Variants in PARD3B observed in about 807,000 individuals in gnomAD.
The protein encoded by PARD3B is partitioning defective 3 homolog B.
Under a neutral mutation model 130.2 loss-of-function variants are expected in PARD3B, and 103 were observed. The ratio of observed to expected loss-of-function variants is 0.79; its 90% CI spans 0.67 to 0.93. PARD3B has a LOEUF of 0.93. Ranked by LOEUF, PARD3B falls within the 40% of genes least tolerant of loss-of-function variation. The pLI is 0.00. For missense variants in PARD3B, 1,609 were observed against 1,499.2 expected, an observed-to-expected ratio of 1.07 and a Z score of -1.21; for synonymous variants, 583 against 553.2, an observed-to-expected ratio of 1.05 and a Z score of -0.76.
chr2:204,977,445 T>G (rs2125195622), intron 3 of PARD3B, among the ~76,000 whole-genome samples: 1 of 152,236 alleles, frequency 6.6e-6, no homozygotes, highest in South Asian at 2.1e-4. Flanking sequence ...AAGGTGTGTT[T>G]AGAGAGAATT....
intron 3 of PARD3B, among the ~76,000 whole-genome samples, chr2:204,970,073 A>G (rs2125172561): frequency 1.3e-5 from 2 of 152,306 alleles, no homozygotes; most frequent in Middle Eastern, 3.4e-3. Flanking sequence ...TGTAAAAAAG[A>G]CAAATTAGTG....
intron 2 of PARD3B, among the ~76,000 whole-genome samples, chr2:204,777,061 A>G (rs999663109): frequency 6.6e-6 from 1 of 152,196 alleles, no homozygotes; most frequent in Admixed American, 6.5e-5. Flanking sequence ...AAATAAACCT[A>G]ATGGTATGTT....
At chr2:205,434,736 T>G (rs1559090147) in intron 19 of PARD3B, among the ~76,000 whole-genome samples, 1 of 152,138 alleles carries the variant, frequency 6.6e-6, no homozygotes, top group Admixed American at 6.5e-5. Context: ...AACAATAATT[T>G]GAAGAAAATT....
At chr2:204,662,968 G>C (rs2035879009) in intron 1 of PARD3B, among the ~76,000 whole-genome samples, 1 of 152,112 alleles carries the variant, frequency 6.6e-6, no homozygotes, top group Non-Finnish European at 1.5e-5. Flanking sequence ...TGCATTATCA[G>C]ATTTACTCTC....
At chr2:205,505,052 A>G (rs1181413505) in intron 21 of PARD3B, among the ~76,000 whole-genome samples, 1 of 152,240 alleles carries the variant, frequency 6.6e-6, no homozygotes, top group East Asian at 1.9e-4. Flanking sequence ...ATGGAAAACT[A>G]TGCAGCCATA....
chr2:204,879,311 G>C (rs1010504883), intron 2 of PARD3B, among the ~76,000 whole-genome samples: 3 of 152,110 alleles, frequency 2.0e-5, no homozygotes, highest in African/African-American at 4.8e-5. Flanking sequence ...TTGGTGCTTG[G>C]GGTAAGAACG....
chr2:204,573,957 T>C (rs752882472), intron 1 of PARD3B, among the ~76,000 whole-genome samples: 1 of 152,178 alleles, frequency 6.6e-6, no homozygotes, highest in Non-Finnish European at 1.5e-5. Flanking sequence ...TCTCCAAGTA[T>C]GTCTTAGCAG....
chr2:204,747,525 C>A (rs1379891744), intron 2 of PARD3B, among the ~76,000 whole-genome samples: 1 of 152,090 alleles, frequency 6.6e-6, no homozygotes, highest in African/African-American at 2.4e-5. Context: ...TTTATAGATT[C>A]AATGCCATCC....
At chr2:204,795,209 A>G (rs995173065) in intron 2 of PARD3B, among the ~76,000 whole-genome samples, 12 of 152,190 alleles carry the variant, frequency 7.9e-5, no homozygotes, top group Non-Finnish European at 1.2e-4. Flanking sequence ...CTGGTGGATT[A>G]AAGTAAGATT....
chr2:205,379,747 T>A (rs1045792241), intron 18 of PARD3B, among the ~76,000 whole-genome samples: 1 of 151,880 alleles, frequency 6.6e-6, no homozygotes, highest in Non-Finnish European at 1.5e-5. Context: ...CAGTGAGAGC[T>A]CTTATTACTT....
In PARD3B at chr2:205,300,660, T is replaced by C. The variant is rs757437319; in HGVS notation, c.2316T>C (p.Val772=). Residue 772 remains valine (V), a synonymous_variant, in exon 17 of 23, where the codon GTT becomes GTC. Coordinates refer to ENST00000406610, the MANE Select transcript of PARD3B (RefSeq NM_001302769.2). The surrounding 1 kb of genome is among the most constrained non-coding windows in gnomAD (Gnocchi z 4.1). The stretch of plus-strand genomic sequence containing the variant: ...TTCACAGGCCCCGGCCGCACATGGT[T>C]CGAGGCCGAGGCTGCAATGAGAGCT... The part of the protein sequence containing the change: ...LPFHRPRPHM[V]RGRGCNESFR... 1.2e-6 allele frequency: 2 copies of C among 1,613,840 alleles called. No homozygotes were observed. The highest frequency in any genetic ancestry group is 1.7e-6 in the Non-Finnish European group (2 of 1,180,032).
At chr2:205,355,643 T>C (rs759298047) in intron 18 of PARD3B, among the ~76,000 whole-genome samples, 8 of 152,270 alleles carry the variant, frequency 5.3e-5, no homozygotes, top group Admixed American at 2.0e-4. Flanking sequence ...GGTGAAGATA[T>C]TGGTTTTCTT....
intron 14 of PARD3B, 32 bp from the exon 15 acceptor site, chr2:205,193,173 A>G (rs1249062571): frequency 1.1e-5 from 16 of 1,467,314 alleles, no homozygotes; most frequent in Non-Finnish European, 9.5e-6. Flanking sequence ...TTTATTCTAA[A>G]CCTAAATACA....
intron 2 of PARD3B, among the ~76,000 whole-genome samples, chr2:204,739,202 T>C (rs145857568): frequency 1.5e-3 from 224 of 152,328 alleles, no homozygotes; most frequent in African/African-American, 5.1e-3. Context: ...ATGTGTGTGT[T>C]GGTTTTCTGT....
At chr2:205,497,427 ATTTTTT>A (rs3077795) in intron 20 of PARD3B, among the ~76,000 whole-genome samples, 8 of 123,684 alleles carry the variant, frequency 6.5e-5, no homozygotes, top group East Asian at 2.4e-4. Flanking sequence ...TTTACTCACC[ATTTTTT>A]TTTTTTTTTT....
intron 2 of PARD3B, among the ~76,000 whole-genome samples, chr2:204,771,576 A>T (rs899554549): frequency 3.3e-5 from 5 of 152,100 alleles, no homozygotes; most frequent in African/African-American, 1.2e-4. Flanking sequence ...TACTATGCTC[A>T]CCACCTGGGT....
chr2:204,906,482 G>A lies in PARD3B; in HGVS notation c.223-58670G>A, dbSNP rs1341596538. ...CCTCCCGTGCCAGTTATATATATGGGCAGTAGACCTTATTATTAACTAGAG... is the reference window on the plus strand; with the variant it reads ...CCTCCCGTGCCAGTTATATATATGGACAGTAGACCTTATTATTAACTAGAG... On this transcript the variant is annotated intron_variant, in intron 2 of 22. Transcript: ENST00000406610. This position sits in a 1 kb window ranked among gnomAD's most constrained non-coding sequence, Gnocchi z 4.3. Among the ~76,000 whole-genome samples, 5 of 152,172 alleles carry A rather than the reference G, an allele frequency of 3.3e-5. No homozygotes were observed. Among genetic ancestry groups the A allele is most frequent in the Non-Finnish European group, 7.3e-5 (5 of 68,032 alleles).
At chr2:204,882,611 C>T (rs537101652) in intron 2 of PARD3B, among the ~76,000 whole-genome samples, 5 of 152,170 alleles carry the variant, frequency 3.3e-5, no homozygotes, top group Non-Finnish European at 7.3e-5. Flanking sequence ...CAGGCTGGTT[C>T]TATGGGCTAC....
chr2:205,244,557 T>C lies in PARD3B; in HGVS notation c.2141-1221T>C, dbSNP rs1409555304. 6.6e-6 allele frequency among the ~76,000 whole-genome samples: 1 copy of C among 152,190 alleles called. No homozygotes were observed. Among genetic ancestry groups the C allele is most frequent in the African/African-American group, 2.4e-5 (1 of 41,436 alleles). ...GAGTGGCTTGGGAAATCCTCTCTCT[T>C]TCTAATACATTTTCTGTAGAATTGG... On this transcript the variant is annotated intron_variant, in intron 15 of 22. Transcript: ENST00000406610. The surrounding 1 kb of genome is among the most constrained non-coding windows in gnomAD (Gnocchi z 4.7).
Sources: gnomAD v4.1 joint callset for allele counts (sites outside exome capture counted in the v4.1 genomes callset) on GRCh38, gnomAD v4.1.1 for gene constraint, Gnocchi (gnomAD v3.1) non-coding constraint, MANE v1.5 for transcripts, NCBI Gene and HGNC (gene_info 2026-07-23, HGNC 2026-07-21) for gene names.